The following PLA2G4F variants were observed in gnomAD, a reference collection of about 807,000 sequenced individuals.
PLA2G4F encodes cytosolic phospholipase A2 zeta.
A neutral mutation model predicts 103.1 loss-of-function variants in PLA2G4F; 105 were observed. That is an observed-to-expected ratio of 1.02 (90% CI 0.87 to 1.20). The LOEUF is 1.20. Among genes scored for constraint, PLA2G4F ranks in the 50% most tolerant of loss-of-function variants. PLA2G4F has a pLI of 0.00. For missense variants in PLA2G4F, 1,155 were observed against 1,075.9 expected, an observed-to-expected ratio of 1.07 and a Z score of -1.03; for synonymous variants, 468 against 441.1, an observed-to-expected ratio of 1.06 and a Z score of -0.76.
In PLA2G4F at chr15:42,140,996, TGGA is replaced by T; in HGVS notation, c.*985_*987del. The T allele has an allele frequency of 3.0e-6, 1 of 334,616 alleles. No individual in the cohort carries two copies. Among genetic ancestry groups the T allele is most frequent in the Non-Finnish European group, 5.9e-6 (1 of 168,488 alleles). 20.7% of individuals were successfully genotyped at this position (334,616 alleles called of 1,614,324 possible). A position where few individuals can be genotyped will look rare whatever the true frequency, so the allele number is the denominator to read the frequency against. On this transcript the variant is annotated 3_prime_UTR_variant, in exon 20 of 20. Transcript: ENST00000397272. ...AGAGTCCCTGGCGGGTCAGGGGAAA[TGGA>T]GAAGAGGGAGAGTGAGAAACAAAAC...
Position 42,150,439 on chromosome 15 carries a change from C to G in PLA2G4F, c.819G>C (p.Glu273Asp). The change falls in exon 9 of 20, where the codon GAG (glutamate) becomes GAC (aspartate). Residue 273 changes from glutamate (E) to aspartate (D), a missense_variant. Physicochemically the swap from Glu to Asp is conservative, Grantham distance 45. Transcript: ENST00000397272. ...ELEAQTSKLG[E>D]GGILLSSLPL... ...GCAGAGAGGAGAGCAGGATGCCCCC[C>G]TCGCCCAGCTTGCTGGTCTGAGCCT... 1 of 1,613,540 alleles carries G rather than the reference C, an allele frequency of 6.2e-7. No homozygotes were observed. The highest frequency in any genetic ancestry group is 1.1e-5 in the South Asian group (1 of 90,958).
rs2048821358 is a variant in PLA2G4F, at chr15:42,140,732, G to A, written c.*1252C>T. 6.4e-6 allele frequency: 1 copy of A among 155,860 alleles called. No individual in the cohort carries two copies. Among genetic ancestry groups the A allele is most frequent in the Admixed American group, 6.2e-5 (1 of 16,144 alleles). The allele number at this position is 155,860 out of a possible 1,614,324, so 9.7% of individuals were successfully genotyped here. ...ACAGGTAAGGCTTCCCAGCACAGGT[G>A]TTCCTGACAGCGTGTCTGTGTGAGA... On this transcript the variant is annotated 3_prime_UTR_variant, in exon 20 of 20. Coordinates refer to ENST00000397272, the MANE Select transcript of PLA2G4F (RefSeq NM_213600.4).
chr15:42,146,857 G>GT, intron 13 of PLA2G4F: 1 of 436,218 alleles, frequency 2.3e-6, no homozygotes, highest in Non-Finnish European at 4.2e-6. Context: ...GCCGAGGCAT[G>GT]GGTGTGTTTG....
chr15:42,146,935 AG>A, intron 13 of PLA2G4F, 188 bp downstream of exon 13: 1 of 598,226 alleles, frequency 1.7e-6, no homozygotes, highest in South Asian at 2.0e-5. Flanking sequence ...CCTCCTCCCC[AG>A]GGGTTAGGAG....
At chr15:42,143,823 TCA>T (rs1287182982) in intron 18 of PLA2G4F, among the ~76,000 whole-genome samples, 153 bp downstream of exon 18, 3 of 152,130 alleles carry the variant, frequency 2.0e-5, no homozygotes, top group East Asian at 1.9e-4. Context: ...GGCAGCTCCC[TCA>T]CACACAGAGT....
Position 42,140,576 on chromosome 15 carries a change from G to T in PLA2G4F, c.*1408C>A, listed in dbSNP as rs1361175804. On this transcript the variant is annotated 3_prime_UTR_variant, in exon 20 of 20. Transcript: ENST00000397272. ...CCACCCCATGCCAGCCCAAATAACTGGCTCCCCCAGCCCTCGCAACTCATG... is the reference window on the plus strand; with the variant it reads ...CCACCCCATGCCAGCCCAAATAACTTGCTCCCCCAGCCCTCGCAACTCATG... The T allele has an allele frequency of 6.6e-6, 1 of 152,368 alleles. No homozygotes were observed. The highest frequency in any genetic ancestry group is 1.9e-4 in the East Asian group (1 of 5,182). 9.4% of individuals were successfully genotyped at this position (152,368 alleles called of 1,614,324 possible). A position where few individuals can be genotyped will look rare whatever the true frequency, so the allele number is the denominator to read the frequency against.
chr15:42,148,446 G>T, intron 11 of PLA2G4F: 1 of 235,672 alleles, frequency 4.2e-6, no homozygotes, highest in Non-Finnish European at 6.9e-6. Flanking sequence ...TCGCTGTGGG[G>T]ACTGTCCTGT....
chr15:42,145,991 G>A (rs1474279601), intron 14 of PLA2G4F, 88 bp from the exon 15 acceptor site: 5 of 1,591,666 alleles, frequency 3.1e-6, no homozygotes, highest in Non-Finnish European at 4.3e-6. Flanking sequence ...GACAATGACA[G>A]GAAGAAGCAG....
Position 42,156,556 on chromosome 15 carries a change from G to A in PLA2G4F, c.-7C>T. ...GCCAGAGTGCCCAAAGCATGGCTGG[G>A]CAGCCCGGGCCCCAGCAGGGAACCC... On this transcript the variant is annotated 5_prime_UTR_variant, in exon 1 of 20. Transcript: ENST00000397272. 6.5e-7 allele frequency: 1 copy of A among 1,542,236 alleles called. No homozygotes were observed. Among genetic ancestry groups the A allele is most frequent in the Non-Finnish European group, 8.8e-7 (1 of 1,142,192 alleles).
Position 42,141,923 on chromosome 15 carries a change from C to T in PLA2G4F, c.*61G>A. The T allele has an allele frequency of 1.3e-6, 2 of 1,511,916 alleles. No individual in the cohort carries two copies. Among genetic ancestry groups the T allele is most frequent in the Admixed American group, 1.7e-5 (1 of 57,766 alleles). The allele number at this position is 1,511,916 out of a possible 1,614,324, so 93.7% of individuals were successfully genotyped here. On this transcript the variant is annotated 3_prime_UTR_variant, in exon 20 of 20. Transcript: ENST00000397272. ...AGAGTCCCCATCGCTCCTCCCTCTA[C>T]AAGCCCTGACCATGAGCAGTGTGTC... is the stretch of plus-strand genomic sequence containing the variant.
intron 10 of PLA2G4F, 104 bp from the exon 11 acceptor site, chr15:42,149,952 G>A: frequency 6.6e-7 from 1 of 1,524,598 alleles, no homozygotes; most frequent in Admixed American, 1.7e-5. Context: ...AGGTCCAAGG[G>A]ATCCGCCCAC....
intron 13 of PLA2G4F, 54 bp from the exon 14 acceptor site, chr15:42,146,295 C>T: frequency 6.5e-7 from 1 of 1,542,650 alleles, no homozygotes; most frequent in Non-Finnish European, 8.9e-7. Flanking sequence ...CATTCCCCAT[C>T]CCCGTGGCCT....
At chr15:42,146,876 C>G (rs1005721106) in intron 13 of PLA2G4F, 3 of 470,560 alleles carry the variant, frequency 6.4e-6, no homozygotes, top group African/African-American at 1.9e-5. Context: ...TGAAAAGCTG[C>G]GCCGGTGATT....
chr15:42,145,549 G>C (rs2048872283), intron 16 of PLA2G4F, 26 bp downstream of exon 16: 1 of 1,598,542 alleles, frequency 6.3e-7, no homozygotes. Flanking sequence ...TGTGGTGTGG[G>C]AGGGGCTCGG....
At chr15:42,154,295 G>C (rs760338516) in intron 3 of PLA2G4F, 27 bp downstream of exon 3, 2 of 1,608,484 alleles carry the variant, frequency 1.2e-6, no homozygotes, top group Admixed American at 3.3e-5. Flanking sequence ...TTCCCCTCCC[G>C]CAGCCTGGCC....
chr15:42,149,014 G>A (rs1595621214), intron 11 of PLA2G4F: 2 of 985,196 alleles, frequency 2.0e-6, no homozygotes, highest in African/African-American at 3.5e-5. Flanking sequence ...GAGGAAGCCG[G>A]CAGCCTATTC....
Position 42,146,362 on chromosome 15 carries a change from G to A in PLA2G4F, c.1420-121C>T. 8 of 901,430 alleles carry A rather than the reference G, an allele frequency of 8.9e-6. 1 individual carries two copies. In the South Asian group the frequency reaches 9.2e-5, roughly 10 times the overall value. 55.8% of individuals were successfully genotyped at this position (901,430 alleles called of 1,614,324 possible). Reference sequence around the variant, plus strand: ...CACAAGAGAGGCTTTGGGTCGCCAAGGCCAGTGCTGTAAGGACAGCCCTCT... The same window carrying A: ...CACAAGAGAGGCTTTGGGTCGCCAAAGCCAGTGCTGTAAGGACAGCCCTCT... On this transcript the variant is annotated intron_variant, in intron 13 of 19. Coordinates refer to ENST00000397272, the MANE Select transcript of PLA2G4F (RefSeq NM_213600.4).
At chr15:42,146,731 T>G in intron 13 of PLA2G4F, 1 of 225,494 alleles carries the variant, frequency 4.4e-6, no homozygotes, top group Non-Finnish European at 8.8e-6. Flanking sequence ...GCGGAGTGAG[T>G]TATGGCGGAA....
Position 42,146,376 on chromosome 15 carries a change from G to A in PLA2G4F, c.1420-135C>T. ...TGGGTCGCCAAGGCCAGTGCTGTAA[G>A]GACAGCCCTCTGAGGGACAGGCTTC... On this transcript the variant is annotated intron_variant, in intron 13 of 19. Transcript: ENST00000397272. 3.8e-6 allele frequency: 3 copies of A among 782,088 alleles called. No homozygotes were observed. In the South Asian group the frequency reaches 4.9e-5, roughly 13 times the overall value. 48.4% of individuals were successfully genotyped at this position (782,088 alleles called of 1,614,324 possible). A position where few individuals can be genotyped will look rare whatever the true frequency, so the allele number is the denominator to read the frequency against.
Sources: allele counts gnomAD v4.1 joint callset (sites outside exome capture counted in the v4.1 genomes callset), GRCh38; gene constraint gnomAD v4.1.1; transcripts MANE v1.5; gene names NCBI Gene and HGNC (gene_info 2026-07-23, HGNC 2026-07-21).